Variants in DLGAP2 observed in about 807,000 individuals in gnomAD.
The protein encoded by DLGAP2 is disks large-associated protein 2.
In DLGAP2, 26 loss-of-function variants were observed where a neutral mutation model predicts 100.3. The ratio of observed to expected loss-of-function variants is 0.26; its 90% CI spans 0.19 to 0.36. DLGAP2 has a LOEUF of 0.36. DLGAP2 is among the 10% of genes least tolerant of loss of function. The pLI is 1.00. For synonymous variants in DLGAP2, 886 were observed against 630.1 expected (o/e 1.41, Z -6.08); for missense variants, 1,858 against 1,453.2 (o/e 1.28, Z -4.53).
rs191490014 is a variant in DLGAP2 at position 1,412,363 on chromosome 8, T to C, written c.107-89003T>C. Among the ~76,000 whole-genome samples the C allele has an allele frequency of 5.5e-4, 84 of 152,308 alleles. 2 individuals are homozygous for C. The highest frequency in any genetic ancestry group is 1.9e-3 in the African/African-American group (80 of 41,562). On this transcript the variant is annotated intron_variant, in intron 3 of 14. Transcript: ENST00000637795. ...TCTCCCGGGCTCTTTCTCCTCCATC[T>C]CTCTTACAGATGTGGAGGTTCCAAA...
chr8:1,535,573 T>C (rs761717491), intron 4 of DLGAP2, among the ~76,000 whole-genome samples: 1 of 152,184 alleles, frequency 6.6e-6, no homozygotes, highest in Admixed American at 6.5e-5. Flanking sequence ...AACTCTTGCA[T>C]TGTTGGTAAG....
chr8:897,038 C>T (rs1798155323), intron 1 of DLGAP2, among the ~76,000 whole-genome samples: 3 of 152,092 alleles, frequency 2.0e-5, no homozygotes, highest in Non-Finnish European at 2.9e-5. Context: ...GTCAGTGGCG[C>T]AAGGGAGAAT....
chr8:1,528,132 C>G (rs892487530), intron 4 of DLGAP2, among the ~76,000 whole-genome samples: 6 of 152,214 alleles, frequency 3.9e-5, no homozygotes, highest in Non-Finnish European at 8.8e-5. Context: ...GCCTCCACCC[C>G]GTCGGACGCA....
At chr8:1,213,190 T>G (rs1013000267) in intron 2 of DLGAP2, among the ~76,000 whole-genome samples, 9 of 152,164 alleles carry the variant, frequency 5.9e-5, no homozygotes, top group African/African-American at 2.2e-4. Flanking sequence ...ATTAGCTGTT[T>G]TGCGGGTGTC....
intron 3 of DLGAP2, among the ~76,000 whole-genome samples, chr8:1,476,417 A>G (rs1584939864): frequency 6.6e-6 from 1 of 152,020 alleles, no homozygotes; most frequent in Non-Finnish European, 1.5e-5. Context: ...CTTCCCCTCT[A>G]CACTCCAAGG....
chr8:1,158,279 T>G (rs1014220672), intron 2 of DLGAP2, among the ~76,000 whole-genome samples: 2 of 152,200 alleles, frequency 1.3e-5, no homozygotes, highest in Admixed American at 6.5e-5. Flanking sequence ...TTATGGTGCA[T>G]TATACTGAGG....
At chr8:1,275,809 AG>A (rs1163212970) in intron 3 of DLGAP2, among the ~76,000 whole-genome samples, 19 of 112,754 alleles carry the variant, frequency 1.7e-4, no homozygotes, top group Non-Finnish European at 1.2e-4. Flanking sequence ...TAAATATATA[AG>A]ATATATAATA....
chr8:1,187,016 A>G (rs575901387), intron 2 of DLGAP2, among the ~76,000 whole-genome samples: 10 of 151,976 alleles, frequency 6.6e-5, no homozygotes, highest in South Asian at 6.2e-4. Flanking sequence ...GCCTCAGTGC[A>G]GGTGGCGGTC....
At chr8:1,222,560 T>C (rs978479619) in intron 2 of DLGAP2, among the ~76,000 whole-genome samples, 1 of 151,452 alleles carries the variant, frequency 6.6e-6, no homozygotes. Context: ...TGCACATGCA[T>C]GTATGTGCTG....
chr8:1,020,532 C>G (rs915298178), intron 2 of DLGAP2, among the ~76,000 whole-genome samples: 2 of 152,178 alleles, frequency 1.3e-5, no homozygotes, highest in Non-Finnish European at 2.9e-5. Context: ...AGAGATGGTG[C>G]TCACACAATG....
chr8:1,464,808 G>C (rs1044189817), intron 3 of DLGAP2, among the ~76,000 whole-genome samples: 3 of 152,204 alleles, frequency 2.0e-5, no homozygotes, highest in Non-Finnish European at 4.4e-5. Flanking sequence ...GAGGCCATCA[G>C]ATTGCAGCAG....
chr8:1,448,800 G>A (rs921237522), intron 3 of DLGAP2, among the ~76,000 whole-genome samples: 2 of 152,156 alleles, frequency 1.3e-5, no homozygotes, highest in African/African-American at 2.4e-5. Context: ...ATCAATGCAT[G>A]ACATCAATCA....
intron 3 of DLGAP2, among the ~76,000 whole-genome samples, chr8:1,374,973 C>G: frequency 6.6e-6 from 1 of 151,646 alleles, no homozygotes; most frequent in South Asian, 2.1e-4. Context: ...ATCTCAAGCC[C>G]AATACCACAG....
chr8:1,076,091 A>C (rs900181068), intron 2 of DLGAP2, among the ~76,000 whole-genome samples: 1 of 152,086 alleles, frequency 6.6e-6, no homozygotes. Context: ...TTTTCACAAC[A>C]ACGTTATCTA....
Position 1,595,559 on chromosome 8 carries a change from C to T in DLGAP2, c.1442+29665C>T, listed in dbSNP as rs989920432. Among the ~76,000 whole-genome samples the T allele has an allele frequency of 3.4e-5, 5 of 148,730 alleles. No individual in the cohort carries two copies. The East Asian group carries it at 6.0e-4, about 18-fold the overall frequency. On this transcript the variant is annotated intron_variant, in intron 6 of 14. Coordinates refer to ENST00000637795, the MANE Select transcript of DLGAP2 (RefSeq NM_001346810.2). The stretch of plus-strand genomic sequence containing the variant: ...GCGGGCGCCTGTAGTCCCAGCTACT[C>T]GGGAGGCTGAGGCAGGAGAATGGCG...
intron 2 of DLGAP2, among the ~76,000 whole-genome samples, chr8:1,174,395 A>G (rs1034145770): frequency 2.6e-5 from 4 of 151,966 alleles, no homozygotes; most frequent in Non-Finnish European, 5.9e-5. Flanking sequence ...CACCATCATC[A>G]TTACCATCAC....
intron 2 of DLGAP2, among the ~76,000 whole-genome samples, chr8:1,220,298 G>T (rs1432871348): frequency 6.6e-6 from 1 of 152,070 alleles, no homozygotes; most frequent in Non-Finnish European, 1.5e-5. Context: ...AAAGATTGTG[G>T]CATGTTGTAT....
At position 1,702,426 on chromosome 8, in the gene DLGAP2, G is replaced by T. The variant is rs972083450; in HGVS notation, c.*1020G>T. The T allele has an allele frequency of 4.4e-4, 67 of 152,556 alleles. No homozygotes were observed. The highest frequency in any genetic ancestry group is 1.6e-3 in the African/African-American group (65 of 41,488). The allele number at this position is 152,556 out of a possible 1,614,324, so 9.5% of individuals were successfully genotyped here. ...TAAAATGACAGTTGTGATGTAAAAAGTTTAAGAAATATGAATGTGAGTGGT... is the reference window on the plus strand; with the variant it reads ...TAAAATGACAGTTGTGATGTAAAAATTTTAAGAAATATGAATGTGAGTGGT... On this transcript the variant is annotated 3_prime_UTR_variant, in exon 15 of 15. Coordinates refer to ENST00000637795, the MANE Select transcript of DLGAP2 (RefSeq NM_001346810.2).
At chr8:1,439,550 G>A (rs1000963003) in intron 3 of DLGAP2, among the ~76,000 whole-genome samples, 1 of 152,172 alleles carries the variant, frequency 6.6e-6, no homozygotes, top group Non-Finnish European at 1.5e-5. Context: ...CCTAACGTGG[G>A]CCTCGCTCAG....
Sources: allele counts gnomAD v4.1 joint callset (sites outside exome capture counted in the v4.1 genomes callset), GRCh38; gene constraint gnomAD v4.1.1; transcripts MANE v1.5; gene names NCBI Gene and HGNC (gene_info 2026-07-23, HGNC 2026-07-21).